The following PARVB variants were observed in gnomAD, a reference collection of about 807,000 sequenced individuals.
The protein encoded by PARVB is beta-parvin.
Under a neutral mutation model 47.0 loss-of-function variants are expected in PARVB, and 46 were observed. That is an observed-to-expected ratio of 0.98 (90% CI 0.77 to 1.25). The LOEUF (loss-of-function observed/expected upper bound fraction) is 1.25. Ranked by LOEUF, PARVB falls within the 50% of genes most tolerant of loss-of-function variation. PARVB has a pLI of 0.00. For missense variants in PARVB, 473 were observed against 471.6 expected (o/e 1.00, Z -0.03); for synonymous variants, 196 against 196.3 (o/e 1.00, Z 0.01).
chr22:44,099,030 C>G (rs1355898105), intron 2 of PARVB, among the ~76,000 whole-genome samples: 1 of 152,138 alleles, frequency 6.6e-6, no homozygotes, highest in Non-Finnish European at 1.5e-5. Context: ...CCCATGGGAG[C>G]CTGTCTGGGC....
At chr22:44,067,837 T>C (rs531794864) in intron 1 of PARVB, among the ~76,000 whole-genome samples, 14 of 152,144 alleles carry the variant, frequency 9.2e-5, no homozygotes, top group Non-Finnish European at 1.8e-4. Flanking sequence ...CGCATCGGCA[T>C]TGGGTGTCTT....
chr22:44,119,043 C>T lies in PARVB; in HGVS notation c.279C>T (p.Leu93=), dbSNP rs1192748466. The T allele has an allele frequency of 1.2e-6, 2 of 1,613,428 alleles. No homozygotes were observed. The highest frequency in any genetic ancestry group is 1.1e-5 in the South Asian group (1 of 91,062). Residue 93 remains leucine (L), a synonymous_variant, in exon 4 of 13, where the codon CTC becomes CTT. Transcript: ENST00000338758. ...AATGCCTGCGTCTCCTGCAGGTCCT[C>T]CTCGACTGGATTAATGACGTGCTGG... ...DPKFKELVKV[L]LDWINDVLVE... is the part of the protein sequence containing the mutation.
chr22:44,008,027 AT>A (rs1365472704), intron 2 of PARVB, among the ~76,000 whole-genome samples: 1 of 151,758 alleles, frequency 6.6e-6, no homozygotes, highest in Non-Finnish European at 1.5e-5. Flanking sequence ...CATACACCAC[AT>A]TTTCTTTATC....
chr22:44,093,646 G>A (rs947148721), intron 1 of PARVB, among the ~76,000 whole-genome samples: 3 of 152,200 alleles, frequency 2.0e-5, no homozygotes, highest in African/African-American at 7.2e-5. Flanking sequence ...GAGGCATCTG[G>A]AAGCTTTGGT....
intron 3 of PARVB, among the ~76,000 whole-genome samples, chr22:44,116,530 C>A (rs1467951527): frequency 6.6e-6 from 1 of 152,188 alleles, no homozygotes; most frequent in East Asian, 1.9e-4. Context: ...CGCAGTGGTG[C>A]CTAGTAAGTT....
At chr22:44,136,593 C>A in intron 7 of PARVB, 75 bp downstream of exon 7, 1 of 1,217,212 alleles carries the variant, frequency 8.2e-7, no homozygotes, top group Non-Finnish European at 1.2e-6. Context: ...CCACTTCAGC[C>A]AGGGACACCA....
At chr22:44,018,452 C>G (rs1439290407) in intron 2 of PARVB, among the ~76,000 whole-genome samples, 1 of 152,112 alleles carries the variant, frequency 6.6e-6, no homozygotes, top group South Asian at 2.1e-4. Flanking sequence ...CTGTGTCTTC[C>G]CTGCTGGTTA....
intron 1 of PARVB, among the ~76,000 whole-genome samples, chr22:44,053,134 A>G (rs1601531485): frequency 7.3e-6 from 1 of 137,300 alleles, no homozygotes; most frequent in Admixed American, 8.1e-5. Flanking sequence ...CCCAGGCTGG[A>G]GTGCATTAGT....
At position 44,130,810 on chromosome 22, in the gene PARVB, T is replaced by C. The variant is rs146082151; in HGVS notation, c.377-677T>C. 3.9e-5 allele frequency among the ~76,000 whole-genome samples: 6 copies of C among 152,332 alleles called. No homozygotes were observed. In the South Asian group the frequency reaches 6.2e-4, roughly 16 times the overall value. ...TTATGTTTTTTCCATTTTGTATGCATAGAATGTTCCCGAGTATAACACCCA... is the reference window on the plus strand; with the variant it reads ...TTATGTTTTTTCCATTTTGTATGCACAGAATGTTCCCGAGTATAACACCCA... On this transcript the variant is annotated intron_variant, in intron 4 of 12. Transcript: ENST00000338758.
intron 1 of PARVB, among the ~76,000 whole-genome samples, chr22:44,027,520 C>T (rs1190542983): frequency 2.6e-5 from 4 of 152,308 alleles, no homozygotes; most frequent in Admixed American, 1.3e-4. Context: ...GGCAGCGGGG[C>T]GAGAGCAGCC....
chr22:44,061,572 G>T (rs980507930), intron 1 of PARVB, among the ~76,000 whole-genome samples: 1 of 152,144 alleles, frequency 6.6e-6, no homozygotes, highest in Admixed American at 6.5e-5. Context: ...AGACAAGAAG[G>T]CAGAGCGCCC....
At chr22:44,128,046 G>A (rs760181995) in intron 4 of PARVB, among the ~76,000 whole-genome samples, 11 of 152,214 alleles carry the variant, frequency 7.2e-5, no homozygotes, top group Non-Finnish European at 1.5e-4. Flanking sequence ...GCCTCCCAAA[G>A]TGCAGGGATC....
intron 1 of PARVB, among the ~76,000 whole-genome samples, chr22:44,063,965 G>T (rs890767452): frequency 6.6e-6 from 1 of 152,204 alleles, no homozygotes; most frequent in South Asian, 2.1e-4. Flanking sequence ...ATGGGGTGCG[G>T]TGCGGCCTTT....
intron 4 of PARVB, among the ~76,000 whole-genome samples, chr22:44,129,461 G>A (rs1306217031): frequency 6.6e-6 from 1 of 152,194 alleles, no homozygotes; most frequent in African/African-American, 2.4e-5. Context: ...TTCAGTCTGC[G>A]GGGCCGGATG....
intron 2 of PARVB, among the ~76,000 whole-genome samples, chr22:44,003,169 G>A (rs1050151209): frequency 6.6e-6 from 1 of 152,044 alleles, no homozygotes; most frequent in Admixed American, 6.6e-5. Context: ...TTCTGACTTC[G>A]CAGGGTTGAG....
chr22:44,047,962 G>A (rs1277207192), intron 1 of PARVB, among the ~76,000 whole-genome samples: 3 of 152,204 alleles, frequency 2.0e-5, no homozygotes, highest in South Asian at 2.1e-4. Flanking sequence ...CAATTGTGGG[G>A]CTGGATGGTG....
Position 44,163,941 on chromosome 22 carries a change from T to C in PARVB, c.1018+11T>C. The C allele has an allele frequency of 6.2e-7, 1 of 1,604,262 alleles. No individual in the cohort carries two copies. The highest frequency in any genetic ancestry group is 8.5e-7 in the Non-Finnish European group (1 of 1,174,500). On this transcript the variant is annotated intron_variant, in intron 12 of 12. Coordinates refer to ENST00000338758, the MANE Select transcript of PARVB (RefSeq NM_013327.5). ...AGGCTCGTCCTGAAGGTAATGCCCC[T>C]GGCTCAGGTTCCCCCGGGAGAGGTG...
intron 4 of PARVB, chr22:44,119,948 A>T (rs2053005898): frequency 4.4e-6 from 2 of 458,332 alleles, no homozygotes; most frequent in African/African-American, 4.0e-5. Flanking sequence ...TTCGCAGATG[A>T]TGCATGAGAG....
rs143415047 is a variant in PARVB at position 44,015,394 on chromosome 22, T to C, written c.211+15721T>C. On this transcript the variant is annotated intron_variant, in intron 2 of 13. Coordinates refer to the PARVB transcript ENST00000406477. ...GGGTGAATGCAGACAGCTGTGCCAATAGAAAAGGGCTACCTGGGGCCAGGC... is the reference window on the plus strand; with the variant it reads ...GGGTGAATGCAGACAGCTGTGCCAACAGAAAAGGGCTACCTGGGGCCAGGC... Among the ~76,000 whole-genome samples the C allele has an allele frequency of 4.3e-4, 66 of 152,198 alleles. No individual in the cohort carries two copies. The East Asian group carries it at 0.012, about 28-fold the overall frequency.
Sources: gnomAD v4.1 joint callset for allele counts (sites outside exome capture counted in the v4.1 genomes callset) on GRCh38, gnomAD v4.1.1 for gene constraint, MANE v1.5 for transcripts, NCBI Gene and HGNC (gene_info 2026-07-23, HGNC 2026-07-21) for gene names.